Variants in AGO1 observed in about 807,000 individuals in gnomAD.
The protein encoded by AGO1 is argonaute RISC component 1.
A neutral mutation model predicts 109.2 loss-of-function variants in AGO1; 11 were observed. The ratio of observed to expected loss-of-function variants is 0.10; its 90% CI spans 0.06 to 0.17. AGO1 has a LOEUF of 0.17. Among genes scored for constraint, AGO1 ranks in the 10% least tolerant of loss-of-function variants. The pLI is 1.00. For synonymous variants in AGO1, 422 were observed against 418.6 expected, an observed-to-expected ratio of 1.01 and a Z score of -0.10; for missense variants, 574 against 1,140.3, an observed-to-expected ratio of 0.50 and a Z score of 7.15.
chr1:35,909,850 A>G (rs189720031), intron 12 of AGO1, among the ~76,000 whole-genome samples: 16 of 152,216 alleles, frequency 1.1e-4, no homozygotes, highest in African/African-American at 3.6e-4. Flanking sequence ...TTGTATGGAT[A>G]AGGATGCTTT....
rs184743389 is a variant in AGO1 at position 35,918,181 on chromosome 1, A to G, written c.2164-141A>G. The G allele has an allele frequency of 2.2e-3, 1,562 of 716,982 alleles. 6 individuals carry two copies. Among genetic ancestry groups the G allele is most frequent in the Non-Finnish European group, 3.3e-3 (1,329 of 397,328 alleles). 44.4% of individuals were successfully genotyped at this position (716,982 alleles called of 1,614,324 possible). The stretch of plus-strand genomic sequence containing the variant: ...GTCTGTGTGACTTTAGAAGCATATT[A>G]TTTTAAGATTCAGTACCCTCAGGGA... On this transcript the variant is annotated intron_variant, in intron 16 of 18. Coordinates refer to ENST00000373204, the MANE Select transcript of AGO1 (RefSeq NM_012199.5).
In AGO1 at chr1:35,929,639, T is replaced by C. The variant is rs1328509541; in HGVS notation, c.*10032T>C. On this transcript the variant is annotated 3_prime_UTR_variant, in exon 19 of 19. Coordinates refer to ENST00000373204, the MANE Select transcript of AGO1 (RefSeq NM_012199.5). ...TTTCATCTGGTGACATTTAATTTGA[T>C]ATTTTAAAATTGGGGAGGGTATTTT... 1 of 152,236 alleles carries C rather than the reference T, an allele frequency of 6.6e-6. No individual in the cohort carries two copies. The highest frequency in any genetic ancestry group is 1.5e-5 in the Non-Finnish European group (1 of 68,046). The allele number at this position is 152,236 out of a possible 1,614,324, so 9.4% of individuals were successfully genotyped here.
chr1:35,924,734 G>A lies in AGO1; in HGVS notation c.*5127G>A, dbSNP rs896245769. The A allele has an allele frequency of 1.3e-5, 2 of 152,212 alleles. No homozygotes were observed. The highest frequency in any genetic ancestry group is 4.8e-5 in the African/African-American group (2 of 41,428). The allele number at this position is 152,212 out of a possible 1,614,324, so 9.4% of individuals were successfully genotyped here. A position where few individuals can be genotyped will look rare whatever the true frequency, so the allele number is the denominator to read the frequency against. Reference sequence around the variant, plus strand: ...CTCCCAGGTTTCTCCTTGACCATAGGAGTGTGTTGGGACATTCTGCCAGTC... The same window carrying A: ...CTCCCAGGTTTCTCCTTGACCATAGAAGTGTGTTGGGACATTCTGCCAGTC... On this transcript the variant is annotated 3_prime_UTR_variant, in exon 19 of 19. Transcript: ENST00000373204.
At position 35,919,252 on chromosome 1, in the gene AGO1, C is replaced by A; in HGVS notation, c.2463C>A (p.Asp821Glu). 1.9e-6 allele frequency: 3 copies of A among 1,613,138 alleles called. No homozygotes were observed. The highest frequency in any genetic ancestry group is 2.5e-6 in the Non-Finnish European group (3 of 1,179,604). The change falls in exon 18 of 19, where the codon GAC becomes GAA. Residue 821 changes from aspartate (D) to glutamate (E), a missense_variant and splice_region_variant. Physicochemically the swap from Asp to Glu is conservative, Grantham distance 45. This residue lies in a region of AGO1 where 62 missense variants were observed against 192.0 expected (regional missense o/e 0.32). Coordinates refer to ENST00000373204, the MANE Select transcript of AGO1 (RefSeq NM_012199.5). This position sits in a 1 kb window ranked among gnomAD's most constrained non-coding sequence, Gnocchi z 6.6. ...ARYHLVDKEH[D>E]SGEGSHISGQ... is the part of the protein sequence containing the mutation. ...ACCACCTGGTGGACAAGGAGCATGACAGGTGAGGCCTGGGATCAGGTTGGC... is the reference window on the plus strand; with the variant it reads ...ACCACCTGGTGGACAAGGAGCATGAAAGGTGAGGCCTGGGATCAGGTTGGC...
intron 1 of AGO1, among the ~76,000 whole-genome samples, chr1:35,885,056 C>G (rs1031400949): frequency 7.0e-6 from 1 of 143,308 alleles, no homozygotes; most frequent in African/African-American, 2.5e-5. Flanking sequence ...ATTTAGTGAT[C>G]TCTAAGTACT....
At chr1:35,875,645 C>CTAGT (rs1644986927) in intron 1 of AGO1, among the ~76,000 whole-genome samples, 1 of 152,138 alleles carries the variant, frequency 6.6e-6, no homozygotes, top group Non-Finnish European at 1.5e-5. Context: ...AACTCCTGAC[C>CTAGT]TAGTGATCTG....
rs750425416 is a variant in AGO1, at chr1:35,926,220, T to C, written c.*6613T>C. On this transcript the variant is annotated 3_prime_UTR_variant, in exon 19 of 19. Coordinates refer to ENST00000373204, the MANE Select transcript of AGO1 (RefSeq NM_012199.5). Reference sequence around the variant, plus strand: ...ACTTTAGTTTTAGAAAAGATTGATATTGAAAAGCCTTCAGGATTTGCCTGT... The same window carrying C: ...ACTTTAGTTTTAGAAAAGATTGATACTGAAAAGCCTTCAGGATTTGCCTGT... 3.9e-5 allele frequency: 6 copies of C among 152,224 alleles called. No individual in the cohort carries two copies. The highest frequency in any genetic ancestry group is 1.3e-4 in the Admixed American group (2 of 15,286). The allele number at this position is 152,224 out of a possible 1,614,324, so 9.4% of individuals were successfully genotyped here. A position where few individuals can be genotyped will look rare whatever the true frequency, so the allele number is the denominator to read the frequency against.
chr1:35,919,317 C>G lies in AGO1; in HGVS notation c.2465+63C>G, dbSNP rs1196517881. On this transcript the variant is annotated intron_variant, in intron 18 of 18. Coordinates refer to ENST00000373204, the MANE Select transcript of AGO1 (RefSeq NM_012199.5). The surrounding 1 kb of genome is among the most constrained non-coding windows in gnomAD (Gnocchi z 6.6). ...AGCCTATTGTGCCAGATCTTCTTAACTTTCCTTGGGTAGAAGGAAATGAGT... is the reference window on the plus strand; with the variant it reads ...AGCCTATTGTGCCAGATCTTCTTAAGTTTCCTTGGGTAGAAGGAAATGAGT... The G allele has an allele frequency of 6.4e-7, 1 of 1,552,306 alleles. No individual in the cohort carries two copies. Among genetic ancestry groups the G allele is most frequent in the African/African-American group, 1.4e-5 (1 of 73,376 alleles).
In AGO1 at chr1:35,883,436, C is replaced by G; in HGVS notation, c.15C>G (p.Pro5=). ...GGGTATATGGGATGGAAGCGGGACCCTCGGGAGCAGGTAAGGGTCCCCAGG... is the reference window on the plus strand; with the variant it reads ...GGGTATATGGGATGGAAGCGGGACCGTCGGGAGCAGGTAAGGGTCCCCAGG... MEAG[P]SGAAAGAYLP... The change falls in exon 1 of 19, where the codon CCC becomes CCG. Residue 5 remains proline (P), a synonymous_variant. Transcript: ENST00000373204. The surrounding 1 kb of genome is among the most constrained non-coding windows in gnomAD (Gnocchi z 5.4). The G allele has an allele frequency of 6.4e-7, 1 of 1,570,560 alleles. No homozygotes were observed. Among genetic ancestry groups the G allele is most frequent in the Non-Finnish European group, 8.6e-7 (1 of 1,161,620 alleles).
At chr1:35,879,737 A>AAG (rs1490838683), upstream of AGO1, among the ~76,000 whole-genome samples, 1 of 123,086 alleles carries the variant, frequency 8.1e-6, no homozygotes, top group African/African-American at 2.8e-5. Context: ...TCTGTCTCAA[A>AAG]AAAAAAAAAA....
Position 35,901,892 on chromosome 1 carries a change from G to T in AGO1, c.1141-56G>T. On this transcript the variant is annotated intron_variant, in intron 9 of 18. Coordinates refer to ENST00000373204, the MANE Select transcript of AGO1 (RefSeq NM_012199.5). The surrounding 1 kb of genome is among the most constrained non-coding windows in gnomAD (Gnocchi z 4.8). ...GGGTTCTCTCCTTGATACCCAGAGG[G>T]TGAGCAGTATTGCCAAGCTCCTGTT... The T allele has an allele frequency of 6.5e-7, 1 of 1,536,800 alleles. No individual in the cohort carries two copies. The highest frequency in any genetic ancestry group is 8.8e-7 in the Non-Finnish European group (1 of 1,142,642).
At chr1:35,872,384 C>T (rs1644958824) in intron 1 of AGO1, among the ~76,000 whole-genome samples, 2 of 151,948 alleles carry the variant, frequency 1.3e-5, no homozygotes, top group African/African-American at 4.8e-5. Context: ...CAAGGTTTCA[C>T]CACATTGGCC....
intron 8 of AGO1, among the ~76,000 whole-genome samples, chr1:35,898,260 C>CTT (rs1428721236): frequency 1.4e-5 from 2 of 143,204 alleles, no homozygotes; most frequent in African/African-American, 2.5e-5. Flanking sequence ...TGTTTAACAT[C>CTT]TTTTTTTTTT....
intron 12 of AGO1, among the ~76,000 whole-genome samples, chr1:35,909,306 T>C (rs1036525119): frequency 1.3e-5 from 2 of 152,258 alleles, no homozygotes; most frequent in African/African-American, 4.8e-5. Flanking sequence ...TCTGGAATTG[T>C]TGAAGAGAGC....
intron 8 of AGO1, among the ~76,000 whole-genome samples, chr1:35,896,838 T>A (rs1472150727): frequency 6.6e-6 from 1 of 152,220 alleles, no homozygotes; most frequent in Non-Finnish European, 1.5e-5. Flanking sequence ...AGGCAACATG[T>A]TCTCTGAGGT....
intron 12 of AGO1, among the ~76,000 whole-genome samples, chr1:35,907,446 GT>G (rs1395961772): frequency 6.6e-6 from 1 of 152,068 alleles, no homozygotes; most frequent in Non-Finnish European, 1.5e-5. Context: ...GGAGTGCATT[GT>G]TTATCTGAAC....
At chr1:35,906,040 A>G (rs1645513580) in intron 11 of AGO1, among the ~76,000 whole-genome samples, 2 of 152,204 alleles carry the variant, frequency 1.3e-5, no homozygotes, top group Non-Finnish European at 2.9e-5. Flanking sequence ...GATTATCACA[A>G]ATTAAATTTC....
In AGO1 at chr1:35,894,403, G is replaced by A; in HGVS notation, c.872+1G>A. On this transcript the variant is annotated splice_donor_variant, in intron 7 of 18. Coordinates refer to ENST00000373204, the MANE Select transcript of AGO1 (RefSeq NM_012199.5). LOFTEE classifies it high-confidence loss of function. ...CCCGTCGCCCTGCTAGCCATCAGACGTAAGTTGGCAGGGGTGCTGAGTCAT... is the reference window on the plus strand; with the variant it reads ...CCCGTCGCCCTGCTAGCCATCAGACATAAGTTGGCAGGGGTGCTGAGTCAT... The A allele has an allele frequency of 6.2e-7, 1 of 1,613,988 alleles. No individual in the cohort carries two copies. The highest frequency in any genetic ancestry group is 8.5e-7 in the Non-Finnish European group (1 of 1,179,910).
chr1:35,892,787 G>T, intron 3 of AGO1, 110 bp downstream of exon 3: 11 of 1,401,806 alleles, frequency 7.8e-6, no homozygotes, highest in South Asian at 2.4e-5. Flanking sequence ...TGCTGAGAAA[G>T]TATGTTTTAG....
Sources: allele counts gnomAD v4.1 joint callset (sites outside exome capture counted in the v4.1 genomes callset), GRCh38; gene constraint gnomAD v4.1.1; regional missense constraint gnomAD v4.1.1; non-coding constraint Gnocchi (gnomAD v3.1); transcripts MANE v1.5; gene names NCBI Gene and HGNC (gene_info 2026-07-23, HGNC 2026-07-21).